Variants in FBXL13 observed in about 807,000 individuals in gnomAD.
FBXL13 encodes F-box and leucine rich repeat protein 13.
Under a neutral mutation model 83.6 loss-of-function variants are expected in FBXL13, and 67 were observed. That is an observed-to-expected ratio of 0.80 (90% CI 0.66 to 0.98). FBXL13 has a LOEUF of 0.98. Ranked by LOEUF, FBXL13 falls within the 50% of genes least tolerant of loss-of-function variation. The pLI is 0.00. For synonymous variants in FBXL13, 272 were observed against 299.5 expected, an observed-to-expected ratio of 0.91 and a Z score of 0.95; for missense variants, 822 against 866.5, an observed-to-expected ratio of 0.95 and a Z score of 0.64.
chr7:102,972,436 T>C (rs1826805738), intron 6 of FBXL13, among the ~76,000 whole-genome samples: 1 of 152,190 alleles, frequency 6.6e-6, no homozygotes, highest in Non-Finnish European at 1.5e-5. Flanking sequence ...GGTTATCTTC[T>C]ACAACATGTT....
intron 11 of FBXL13, among the ~76,000 whole-genome samples, chr7:102,899,053 T>A (rs1344421698): frequency 6.6e-6 from 1 of 152,134 alleles, no homozygotes; most frequent in Non-Finnish European, 1.5e-5. Flanking sequence ...GTAGCTGGGA[T>A]TACAGACTTG....
At chr7:103,055,322 T>G (rs1797232497) in intron 2 of FBXL13, 144 bp from the exon 3 acceptor site, 2 of 432,998 alleles carry the variant, frequency 4.6e-6, no homozygotes, top group South Asian at 4.3e-5. Flanking sequence ...CAGAATCACC[T>G]GGAGGACTTT....
At chr7:102,977,111 C>T (rs1425299476) in intron 6 of FBXL13, among the ~76,000 whole-genome samples, 1 of 152,142 alleles carries the variant, frequency 6.6e-6, no homozygotes, top group Non-Finnish European at 1.5e-5. Context: ...CCAAAGACGG[C>T]AAGAGGACGA....
chr7:102,921,785 C>T lies in FBXL13; in HGVS notation c.878+4489G>A, dbSNP rs531365461. 5.9e-5 allele frequency among the ~76,000 whole-genome samples: 9 copies of T among 152,184 alleles called. 1 individual carries two copies. Among genetic ancestry groups the T allele is most frequent in the Admixed American group, 2.0e-4 (3 of 15,290 alleles). ...TCTACCAAGAAATCTCAATAAATTC[C>T]AAAAAGTAGAAATAATTCAGTCCAC... On this transcript the variant is annotated intron_variant, in intron 10 of 19. Transcript: ENST00000313221.
At chr7:103,040,896 C>T (rs1795607992) in intron 2 of FBXL13, among the ~76,000 whole-genome samples, 1 of 152,034 alleles carries the variant, frequency 6.6e-6, no homozygotes, top group African/African-American at 2.4e-5. Flanking sequence ...AAAATCGACA[C>T]CCTAAAATCA....
intron 1 of FBXL13, among the ~76,000 whole-genome samples, chr7:103,059,407 G>A (rs1037838312): frequency 1.3e-5 from 2 of 152,150 alleles, no homozygotes; most frequent in African/African-American, 4.8e-5. Flanking sequence ...AGCAGTTAAT[G>A]AATCAATAGC....
intron 11 of FBXL13, among the ~76,000 whole-genome samples, chr7:102,886,302 T>C (rs1006494642): frequency 1.2e-4 from 18 of 152,156 alleles, no homozygotes; most frequent in African/African-American, 3.4e-4. Flanking sequence ...CAGAAGAGTA[T>C]GACAGGGACA....
intron 4 of FBXL13, among the ~76,000 whole-genome samples, chr7:103,027,811 T>C (rs1005750063): frequency 6.6e-5 from 10 of 152,228 alleles, no homozygotes; most frequent in African/African-American, 2.4e-4. Flanking sequence ...AAGACATGTA[T>C]CATTTCCTTT....
intron 6 of FBXL13, among the ~76,000 whole-genome samples, chr7:103,000,475 G>T (rs1488147753): frequency 6.6e-6 from 1 of 152,214 alleles, no homozygotes; most frequent in Non-Finnish European, 1.5e-5. Flanking sequence ...TCAAGTTTCT[G>T]AATTTGTTGA....
chr7:102,822,334 A>G, intron 18 of FBXL13, 131 bp from the exon 20 acceptor site: 9 of 874,380 alleles, frequency 1.0e-5, no homozygotes. Context: ...TTTATTTCTC[A>G]CAGTTCTAGA....
At chr7:102,883,436 T>C (rs140303551) in exon 14 of FBXL13, 42 of 1,613,122 alleles carry the variant, frequency 2.6e-5, no homozygotes, top group Middle Eastern at 3.3e-4. Flanking sequence ...TGTCTATAAA[T>C]TTGAAGGATG....
At chr7:102,932,936 T>G (rs1436263741) in intron 8 of FBXL13, 1 of 152,228 alleles carries the variant, frequency 6.6e-6, no homozygotes, top group Non-Finnish European at 1.5e-5. Context: ...CAACAAATAC[T>G]TATCAAGGAG....
intron 8 of FBXL13, among the ~76,000 whole-genome samples, chr7:102,959,442 T>C (rs928963386): frequency 6.6e-6 from 1 of 152,010 alleles, no homozygotes; most frequent in Admixed American, 6.6e-5. Flanking sequence ...ATATATATTG[T>C]TTGAAATTAT....
intron 2 of FBXL13, among the ~76,000 whole-genome samples, chr7:103,034,320 G>A (rs182624081): frequency 4.9e-4 from 75 of 152,338 alleles, no homozygotes; most frequent in Middle Eastern, 6.8e-3. Context: ...AGGCTAGGGC[G>A]GCACAGGAGC....
chr7:102,880,356 C>T (rs769279049), intron 14 of FBXL13, among the ~76,000 whole-genome samples: 6 of 151,756 alleles, frequency 4.0e-5, no homozygotes, highest in African/African-American at 7.2e-5. Context: ...ACTTTTTCAT[C>T]CTCCCTCTGT....
intron 6 of FBXL13, among the ~76,000 whole-genome samples, chr7:103,010,836 T>C (rs1393983692): frequency 6.6e-6 from 1 of 152,148 alleles, no homozygotes; most frequent in Non-Finnish European, 1.5e-5. Context: ...GGATATGGCT[T>C]ATATGCCAAC....
downstream of FBXL13, among the ~76,000 whole-genome samples, chr7:102,811,616 C>CG (rs1288679088): frequency 6.6e-6 from 1 of 152,314 alleles, no homozygotes; most frequent in Non-Finnish European, 1.5e-5. Context: ...TGTTTCTTAC[C>CG]GGGGTCTAAC....
intron 16 of FBXL13, chr7:102,874,394 G>C: frequency 1.0e-6 from 1 of 984,488 alleles, no homozygotes; most frequent in Non-Finnish European, 1.2e-6. Flanking sequence ...TAACTGACTT[G>C]GAGGAAGAAA....
intron 8 of FBXL13, among the ~76,000 whole-genome samples, chr7:102,958,310 CTCAT>C (rs1824616888): frequency 2.0e-5 from 3 of 151,748 alleles, no homozygotes; most frequent in Admixed American, 6.6e-5. Context: ...ACCGCATGTT[CTCAT>C]TCATAGGTGG....
Sources: allele counts gnomAD v4.1 joint callset (sites outside exome capture counted in the v4.1 genomes callset), GRCh38; gene constraint gnomAD v4.1.1; transcripts MANE v1.5; gene names NCBI Gene and HGNC (gene_info 2026-07-23, HGNC 2026-07-21).